The following CDYL2 variants were observed in gnomAD, a reference collection of about 807,000 sequenced individuals.
The protein encoded by CDYL2 is chromodomain Y-like protein 2.
A neutral mutation model predicts 49.4 loss-of-function variants in CDYL2; 23 were observed. The observed-to-expected ratio is 0.47, with a 90% CI of 0.34 to 0.66. The LOEUF (loss-of-function observed/expected upper bound fraction) is 0.66, where lower values mean the gene tolerates loss of function less well. Ranked by LOEUF, CDYL2 falls within the 30% of genes least tolerant of loss-of-function variation. CDYL2 has a pLI of 0.01. For synonymous variants in CDYL2, 360 were observed against 268.8 expected, an observed-to-expected ratio of 1.34 and a Z score of -3.32; for missense variants, 678 against 656.4, an observed-to-expected ratio of 1.03 and a Z score of -0.36.
intron 1 of CDYL2, among the ~76,000 whole-genome samples, chr16:80,802,670 G>A (rs1478936451): frequency 6.6e-6 from 1 of 152,102 alleles, no homozygotes; most frequent in Non-Finnish European, 1.5e-5. Flanking sequence ...CCTGCTGGCC[G>A]GCAGTCCAGG....
intron 1 of CDYL2, among the ~76,000 whole-genome samples, chr16:80,786,777 G>A (rs368122690): frequency 6.6e-5 from 10 of 152,246 alleles, no homozygotes; most frequent in South Asian, 2.1e-4. Flanking sequence ...GTAGGGACAC[G>A]GGTGAAGCCG....
At chr16:80,721,943 C>T (rs1245829283) in intron 1 of CDYL2, among the ~76,000 whole-genome samples, 1 of 152,200 alleles carries the variant, frequency 6.6e-6, no homozygotes, top group African/African-American at 2.4e-5. Context: ...GAGGTCCTAG[C>T]CACTACCCAG....
chr16:80,782,398 T>G (rs1037882385), intron 1 of CDYL2, among the ~76,000 whole-genome samples: 1 of 151,750 alleles, frequency 6.6e-6, no homozygotes, highest in Non-Finnish European at 1.5e-5. Context: ...CACTGATGAA[T>G]TCTACCAAAC....
intron 1 of CDYL2, among the ~76,000 whole-genome samples, chr16:80,714,924 C>T (rs1470195830): frequency 6.6e-6 from 1 of 152,160 alleles, no homozygotes; most frequent in Non-Finnish European, 1.5e-5. Context: ...GTGTTTCCAT[C>T]TGTCCCCCCA....
chr16:80,739,963 C>CAGGA (rs1349772372), intron 1 of CDYL2, among the ~76,000 whole-genome samples: 8 of 152,172 alleles, frequency 5.3e-5, no homozygotes. Flanking sequence ...GATGAAACGA[C>CAGGA]TTGGGGGCAA....
At chr16:80,610,695 G>A (rs1399461731) in intron 5 of CDYL2, among the ~76,000 whole-genome samples, 1 of 152,178 alleles carries the variant, frequency 6.6e-6, no homozygotes, top group East Asian at 1.9e-4. Flanking sequence ...AATCTTCTCT[G>A]CTGTCCAAGA....
At chr16:80,701,139 A>G (rs1453922268) in intron 1 of CDYL2, among the ~76,000 whole-genome samples, 1 of 152,218 alleles carries the variant, frequency 6.6e-6, no homozygotes, top group Admixed American at 6.5e-5. Flanking sequence ...AACCAATTCT[A>G]AAGGGAAAAA....
intron 2 of CDYL2, among the ~76,000 whole-genome samples, chr16:80,675,196 G>T (rs16953807): frequency 0.012 from 1,840 of 152,276 alleles, 42 homozygotes; most frequent in African/African-American, 0.042. Context: ...AATCCCTGAA[G>T]TACCTTTCTT....
intron 2 of CDYL2, among the ~76,000 whole-genome samples, chr16:80,650,846 C>A (rs1908552226): frequency 6.6e-6 from 1 of 151,796 alleles, no homozygotes; most frequent in African/African-American, 2.4e-5. Context: ...GGTCATTCTG[C>A]TGAGTGAAAG....
intron 2 of CDYL2, among the ~76,000 whole-genome samples, chr16:80,640,308 A>C (rs1202993322): frequency 6.6e-6 from 1 of 152,146 alleles, no homozygotes; most frequent in Non-Finnish European, 1.5e-5. Context: ...CACTGGTCAG[A>C]GTCATGAGGC....
intron 3 of CDYL2, 74 bp from the exon 4 acceptor site, chr16:80,621,009 A>G: frequency 6.9e-7 from 1 of 1,440,816 alleles, no homozygotes; most frequent in Non-Finnish European, 9.2e-7. Context: ...ACTGCAAGAC[A>G]GCCAGAGGCC....
At chr16:80,635,189 T>C (rs1265324671) in intron 2 of CDYL2, among the ~76,000 whole-genome samples, 1 of 152,094 alleles carries the variant, frequency 6.6e-6, no homozygotes, top group African/African-American at 2.4e-5. Context: ...ATCAATAGGC[T>C]AAAAGAAGAA....
intron 1 of CDYL2, among the ~76,000 whole-genome samples, chr16:80,728,638 A>G (rs944548388): frequency 3.4e-4 from 51 of 151,618 alleles, no homozygotes; most frequent in African/African-American, 1.2e-3. Flanking sequence ...TCCAAGACAC[A>G]TAATTGTCAG....
At chr16:80,615,231 C>T (rs567912374) in intron 4 of CDYL2, among the ~76,000 whole-genome samples, 3 of 152,146 alleles carry the variant, frequency 2.0e-5, no homozygotes, top group Admixed American at 6.5e-5. Flanking sequence ...CACTTCCTAA[C>T]CTAATGGTGA....
chr16:80,599,985 G>C lies in CDYL2; in HGVS notation c.*4403C>G, dbSNP rs1019406045. 11 of 152,116 alleles carry C rather than the reference G, an allele frequency of 7.2e-5. No homozygotes were observed. Among genetic ancestry groups the C allele is most frequent in the Non-Finnish European group, 1.5e-4 (10 of 68,030 alleles). 9.4% of individuals were successfully genotyped at this position (152,116 alleles called of 1,614,324 possible). On this transcript the variant is annotated 3_prime_UTR_variant, in exon 7 of 7. Coordinates refer to ENST00000570137, the MANE Select transcript of CDYL2 (RefSeq NM_152342.4). ...ATCAGCATGGCTTACGTTGCATGGA[G>C]GAAACAACCCGTATTACCCTTTTTA...
chr16:80,664,363 A>G (rs544683433), intron 2 of CDYL2, among the ~76,000 whole-genome samples: 1 of 152,294 alleles, frequency 6.6e-6, no homozygotes, highest in Admixed American at 6.5e-5. Flanking sequence ...CTTCTCTTCC[A>G]GACAGCTGTC....
At position 80,604,316 on chromosome 16, in the gene CDYL2, G is replaced by A; in HGVS notation, c.*72C>T. ...ACACCTTGACAAACTCCTTGGCCGG[G>A]GCAGACACTGTGCTCTGGTTTCCGA... On this transcript the variant is annotated 3_prime_UTR_variant, in exon 7 of 7. Transcript: ENST00000570137. 1.9e-6 allele frequency: 3 copies of A among 1,546,578 alleles called. No homozygotes were observed. Among genetic ancestry groups the A allele is most frequent in the South Asian group, 2.2e-5 (2 of 89,258 alleles).
chr16:80,654,214 G>A (rs1908709905), intron 2 of CDYL2, among the ~76,000 whole-genome samples: 1 of 152,168 alleles, frequency 6.6e-6, no homozygotes, highest in African/African-American at 2.4e-5. Context: ...TACAGAGACT[G>A]AGACTCCGGA....
At chr16:80,662,943 A>T (rs922478595) in intron 2 of CDYL2, among the ~76,000 whole-genome samples, 5 of 152,090 alleles carry the variant, frequency 3.3e-5, no homozygotes, top group Admixed American at 2.0e-4. Context: ...AGCACAAAGA[A>T]CGACACAAGT....
Sources: gnomAD v4.1 joint callset for allele counts (sites outside exome capture counted in the v4.1 genomes callset) on GRCh38, gnomAD v4.1.1 for gene constraint, MANE v1.5 for transcripts, NCBI Gene and HGNC (gene_info 2026-07-23, HGNC 2026-07-21) for gene names.